The following PCDHGB2 variants were observed in gnomAD, a reference collection of about 807,000 sequenced individuals.
PCDHGB2 encodes the protein protocadherin gamma-B2.
Under a neutral mutation model 59.3 loss-of-function variants are expected in PCDHGB2, and 55 were observed. The ratio of observed to expected loss-of-function variants is 0.93; its 90% CI spans 0.75 to 1.16. The LOEUF (loss-of-function observed/expected upper bound fraction) is 1.16. Ranked by LOEUF, PCDHGB2 falls within the 50% of genes most tolerant of loss-of-function variation. The pLI, the probability that PCDHGB2 is intolerant of heterozygous loss-of-function variation, is 0.00. For missense variants in PCDHGB2, 1,228 were observed against 1,198.5 expected (o/e 1.02, Z -0.36); for synonymous variants, 516 against 512.0 (o/e 1.01, Z -0.11).
Position 141,485,665 on chromosome 5 carries a change from C to G in PCDHGB2, c.2422-9142C>G. ...AGGCTCAGGATGCAGATGTGGGGAG[C>G]AATTCGATTAGCAGCTATAGGCTGA... On this transcript the variant is annotated intron_variant, in intron 1 of 3. Coordinates refer to ENST00000522605, the MANE Select transcript of PCDHGB2 (RefSeq NM_018923.3). This position sits in a 1 kb window ranked among gnomAD's most constrained non-coding sequence, Gnocchi z 5.7. 1 of 1,612,622 alleles carries G rather than the reference C, an allele frequency of 6.2e-7. No individual in the cohort carries two copies.
At position 141,375,271 on chromosome 5, in the gene PCDHGB2, A is replaced by C. The variant is rs748119820; in HGVS notation, c.2421+12715A>C. 1.5e-5 allele frequency: 24 copies of C among 1,613,884 alleles called. No homozygotes were observed. The East Asian group carries it at 4.5e-4, about 30-fold the overall frequency. On this transcript the variant is annotated intron_variant, in intron 1 of 3. Coordinates refer to ENST00000522605, the MANE Select transcript of PCDHGB2 (RefSeq NM_018923.3). ...GAAGTCTCCCATTTGAATTGGAAAAATCAGTTGGCAATTATTATCGATTAG... is the reference window on the plus strand; with the variant it reads ...GAAGTCTCCCATTTGAATTGGAAAACTCAGTTGGCAATTATTATCGATTAG...
intron 1 of PCDHGB2, chr5:141,372,939 G>C (rs1026338118): frequency 3.6e-6 from 3 of 824,678 alleles, no homozygotes. Flanking sequence ...GTAGAGTAGG[G>C]TGTCTAGGAA....
At chr5:141,378,741 A>C (rs1588862467) in intron 1 of PCDHGB2, 2 of 152,230 alleles carry the variant, frequency 1.3e-5, no homozygotes, top group African/African-American at 2.4e-5. Context: ...GAAATATTTC[A>C]AGAAAAAAGG....
chr5:141,432,611 T>C lies in PCDHGB2; in HGVS notation c.2422-62196T>C, dbSNP rs141541670. On this transcript the variant is annotated intron_variant, in intron 1 of 3. Transcript: ENST00000522605. This position sits in a 1 kb window ranked among gnomAD's most constrained non-coding sequence, Gnocchi z 6.0. ...CAAGGCCAGCGAGCCGGGACTCTTC[T>C]CGGTGGGTCTGCACACGGGCGAGGT... The C allele has an allele frequency of 2.5e-6, 4 of 1,613,860 alleles. No homozygotes were observed. In the South Asian group the frequency reaches 4.4e-5, roughly 18 times the overall value.
At chr5:141,421,512 G>A in intron 1 of PCDHGB2, 1 of 1,614,094 alleles carries the variant, frequency 6.2e-7, no homozygotes, top group Non-Finnish European at 8.5e-7. Flanking sequence ...ACCGGGAGGA[G>A]CTCTGTGAGA....
chr5:141,444,151 G>T (rs1031944414), intron 1 of PCDHGB2, among the ~76,000 whole-genome samples: 1 of 92,746 alleles, frequency 1.1e-5, no homozygotes, highest in Non-Finnish European at 2.1e-5. Flanking sequence ...GTGTGTACTG[G>T]ATTTTTTTTT....
In PCDHGB2 at chr5:141,360,055, GAA is replaced by G; in HGVS notation, c.-78_-77del. The G allele has an allele frequency of 6.9e-7, 1 of 1,446,612 alleles. No individual in the cohort carries two copies. The highest frequency in any genetic ancestry group is 9.1e-7 in the Non-Finnish European group (1 of 1,095,104). The allele number at this position is 1,446,612 out of a possible 1,614,324, so 89.6% of individuals were successfully genotyped here. ...ATTCGGAAACAGAAAACAAAAGCAG[GAA>G]AAGTGACCTTAGCCCGGATTCTGCC... is the stretch of plus-strand genomic sequence containing the variant. On this transcript the variant is annotated 5_prime_UTR_variant, in exon 1 of 4. Coordinates refer to ENST00000522605, the MANE Select transcript of PCDHGB2 (RefSeq NM_018923.3).
At chr5:141,405,082 G>A (rs376389835) in intron 1 of PCDHGB2, 21 of 1,613,674 alleles carry the variant, frequency 1.3e-5, no homozygotes, top group East Asian at 2.2e-5. Context: ...TCGTTATCAC[G>A]CTGCTGGCCC....
At chr5:141,399,341 C>T in intron 1 of PCDHGB2, 2 of 1,613,938 alleles carry the variant, frequency 1.2e-6, no homozygotes, top group Non-Finnish European at 1.7e-6. Context: ...ACAGATGGAA[C>T]CCTAGACCGA....
intron 1 of PCDHGB2, among the ~76,000 whole-genome samples, chr5:141,407,384 G>A (rs911492449): frequency 1.3e-5 from 2 of 152,182 alleles, no homozygotes; most frequent in Non-Finnish European, 2.9e-5. Flanking sequence ...AGGCTTGTAT[G>A]TCATGGTAGG....
At chr5:141,371,221 A>C (rs769598930) in intron 1 of PCDHGB2, 3 of 1,614,064 alleles carry the variant, frequency 1.9e-6, no homozygotes, top group Non-Finnish European at 1.7e-6. Context: ...ATCAATGCCG[A>C]AATCATCTAT....
intron 1 of PCDHGB2, chr5:141,404,285 A>T (rs1195722797): frequency 1.9e-6 from 3 of 1,614,026 alleles, no homozygotes; most frequent in East Asian, 4.5e-5. Flanking sequence ...AGTGACTGAC[A>T]TCAATGATAA....
chr5:141,377,871 C>T (rs1490492398), intron 1 of PCDHGB2: 1 of 152,290 alleles, frequency 6.6e-6, no homozygotes, highest in East Asian at 1.9e-4. Flanking sequence ...AAAGACTTCT[C>T]TTATCAGAGA....
rs1778279940 is a variant in PCDHGB2, at chr5:141,382,546, G to A, written c.2421+19990G>A. Among the ~76,000 whole-genome samples the A allele has an allele frequency of 5.3e-5, 8 of 152,162 alleles. No homozygotes were observed. In the South Asian group the frequency reaches 1.4e-3, roughly 28 times the overall value. The stretch of plus-strand genomic sequence containing the variant: ...TCTTAAAATGGATTTTTAATTATCA[G>A]GGATATCTAGAGCAAAGAAATCTAA... On this transcript the variant is annotated intron_variant, in intron 1 of 3. Coordinates refer to ENST00000522605, the MANE Select transcript of PCDHGB2 (RefSeq NM_018923.3).
intron 1 of PCDHGB2, chr5:141,411,291 C>G (rs2095478163): frequency 6.6e-6 from 1 of 152,158 alleles, no homozygotes; most frequent in South Asian, 2.1e-4. Context: ...ATTCAGAAGA[C>G]AGGCCCAGTG....
rs1303365585 is a variant in PCDHGB2 at position 141,511,350 on chromosome 5, C to A, written c.*177C>A. 2.1e-5 allele frequency: 30 copies of A among 1,397,076 alleles called. No individual in the cohort carries two copies. Among genetic ancestry groups the A allele is most frequent in the African/African-American group, 1.7e-4 (12 of 68,780 alleles). The allele number at this position is 1,397,076 out of a possible 1,614,324, so 86.5% of individuals were successfully genotyped here. Reference sequence around the variant, plus strand: ...CCCAGTCAGCACCTACCCCTTCCCCCCCAGGGGGTTGAATATGCAAAAGCA... The same window carrying A: ...CCCAGTCAGCACCTACCCCTTCCCCACCAGGGGGTTGAATATGCAAAAGCA... On this transcript the variant is annotated 3_prime_UTR_variant, in exon 4 of 4. Transcript: ENST00000522605.
intron 1 of PCDHGB2, chr5:141,378,992 A>G (rs1300045216): frequency 6.6e-6 from 1 of 152,246 alleles, no homozygotes; most frequent in Non-Finnish European, 1.5e-5. Flanking sequence ...ACTACATTAT[A>G]GTCAAGATTT....
chr5:141,362,593 A>T, intron 1 of PCDHGB2, 37 bp downstream of exon 1: 1 of 1,589,406 alleles, frequency 6.3e-7, no homozygotes, highest in South Asian at 1.1e-5. Flanking sequence ...TTCTGGTTTT[A>T]TTGTTTCACC....
In PCDHGB2 at chr5:141,395,340, G is replaced by C. The variant is rs529007241; in HGVS notation, c.2421+32784G>C. 3 of 1,419,480 alleles carry C rather than the reference G, an allele frequency of 2.1e-6. No individual in the cohort carries two copies. In the African/African-American group the frequency reaches 4.3e-5, roughly 20 times the overall value. The allele number at this position is 1,419,480 out of a possible 1,614,324, so 87.9% of individuals were successfully genotyped here. On this transcript the variant is annotated intron_variant, in intron 1 of 3. Transcript: ENST00000522605. ...GAAGATAGTTGAAAATAATTTTTAA[G>C]GTGTATCACAGAGTTTTGGGTTTAT...
Sources: allele counts gnomAD v4.1 joint callset (sites outside exome capture counted in the v4.1 genomes callset), GRCh38; gene constraint gnomAD v4.1.1; non-coding constraint Gnocchi (gnomAD v3.1); transcripts MANE v1.5; gene names NCBI Gene and HGNC (gene_info 2026-07-23, HGNC 2026-07-21).